Variants in TG observed in about 807,000 individuals in gnomAD.
TG encodes the protein thyroglobulin.
In TG, 270 loss-of-function variants were observed where a neutral mutation model predicts 324.7. The observed-to-expected ratio is 0.83, with a 90% confidence interval of 0.75 to 0.92. TG has a LOEUF of 0.92. Ranked by LOEUF, TG falls within the 40% of genes least tolerant of loss-of-function variation. TG has a pLI of 0.00. For synonymous variants in TG, 1,401 were observed against 1,327.0 expected (o/e 1.06, Z -1.21); for missense variants, 3,591 against 3,456.4 (o/e 1.04, Z -0.98).
rs756212673 is a variant in TG at position 132,887,175 on chromosome 8, G to C, written c.1803G>C (p.Thr601=). 1.2e-6 allele frequency: 2 copies of C among 1,614,024 alleles called. No individual in the cohort carries two copies. The highest frequency in any genetic ancestry group is 1.7e-6 in the Non-Finnish European group (2 of 1,179,928). The change falls in exon 9 of 48, where the codon ACG becomes ACC. Residue 601 remains threonine, a synonymous_variant. Transcript: ENST00000220616. Reference sequence around the variant, plus strand: ...GAGATTTAGGTGATGTGATGGAAACGGTACTCAGCTCCCAGACCTGTGAGC... The same window carrying C: ...GAGATTTAGGTGATGTGATGGAAACCGTACTCAGCTCCCAGACCTGTGAGC... The part of the protein sequence containing the change: ...VARDLGDVME[T]VLSSQTCEQT...
intron 41 of TG, among the ~76,000 whole-genome samples, chr8:133,055,438 G>A (rs962928353): frequency 7.9e-5 from 12 of 151,480 alleles, no homozygotes; most frequent in Admixed American, 7.9e-4. Context: ...CAATCACACA[G>A]AGCTGGACCA....
At chr8:133,081,281 C>T (rs1845702486) in intron 41 of TG, among the ~76,000 whole-genome samples, 1 of 152,226 alleles carries the variant, frequency 6.6e-6, no homozygotes, top group African/African-American at 2.4e-5. Context: ...AAGATGTGAT[C>T]CGTAACTATC....
intron 40 of TG, among the ~76,000 whole-genome samples, chr8:133,023,811 G>A (rs1835773066): frequency 6.6e-6 from 1 of 152,178 alleles, no homozygotes; most frequent in African/African-American, 2.4e-5. Flanking sequence ...ATTTCACAGA[G>A]TGTAATCTTG....
intron 20 of TG, among the ~76,000 whole-genome samples, chr8:132,914,985 T>C (rs1820080706): frequency 6.6e-6 from 1 of 152,116 alleles, no homozygotes; most frequent in Admixed American, 6.5e-5. Context: ...TGTGTATGTG[T>C]ATTAGTGTAT....
intron 43 of TG, among the ~76,000 whole-genome samples, chr8:133,109,352 G>A (rs1175972297): frequency 6.6e-6 from 1 of 152,190 alleles, no homozygotes; most frequent in African/African-American, 2.4e-5. Flanking sequence ...GGATTAAAAA[G>A]CATGTGTCTA....
chr8:132,876,208 T>C (rs746690801), intron 5 of TG, among the ~76,000 whole-genome samples: 22 of 152,004 alleles, frequency 1.4e-4, no homozygotes, highest in African/African-American at 7.2e-5. Flanking sequence ...AGAGACGACG[T>C]TGACATGGAG....
At chr8:133,031,327 C>A (rs964980468) in intron 41 of TG, among the ~76,000 whole-genome samples, 1 of 152,162 alleles carries the variant, frequency 6.6e-6, no homozygotes, top group African/African-American at 2.4e-5. Flanking sequence ...CATAATATTC[C>A]TTTGCGCAGA....
chr8:132,927,585 T>C (rs765282321), intron 22 of TG, among the ~76,000 whole-genome samples: 11 of 152,210 alleles, frequency 7.2e-5, no homozygotes, highest in Non-Finnish European at 1.3e-4. Context: ...GGCAAATTGG[T>C]TCATGGATTG....
chr8:133,116,534 G>A, intron 44 of TG, 75 bp from the exon 45 acceptor site: 5 of 1,422,256 alleles, frequency 3.5e-6, no homozygotes, highest in Non-Finnish European at 5.0e-6. Context: ...CCCTTGCTGG[G>A]AGAAGCCCTT....
intron 35 of TG, among the ~76,000 whole-genome samples, chr8:133,006,129 G>A (rs990024372): frequency 6.6e-6 from 1 of 152,186 alleles, no homozygotes; most frequent in Non-Finnish European, 1.5e-5. Context: ...GTAACACAAA[G>A]ATCTTTAAAA....
chr8:132,933,778 G>A (rs1328407113), intron 24 of TG, 102 bp downstream of exon 24: 2 of 1,016,966 alleles, frequency 2.0e-6, no homozygotes, highest in African/African-American at 1.6e-5. Context: ...GAATGAGGTT[G>A]TCGAGAGCTG....
chr8:133,111,578 G>A lies in TG; in HGVS notation c.7573-1844G>A, dbSNP rs370227075. Among the ~76,000 whole-genome samples the A allele has an allele frequency of 1.3e-3, 194 of 152,278 alleles. 4 individuals are homozygous for A. In the East Asian group the frequency reaches 0.014, roughly 11 times the overall value. ...ATTGTAGGTGAGTATTTTTTGAACA[G>A]ACTAGACTAGACTAGGGTAGAATAG... On this transcript the variant is annotated intron_variant, in intron 43 of 47. Transcript: ENST00000220616.
Position 133,028,583 on chromosome 8 carries a change from T to C in TG, c.7037-1238T>C, listed in dbSNP as rs189024646. Among the ~76,000 whole-genome samples the C allele has an allele frequency of 3.3e-5, 5 of 152,298 alleles. 1 individual carries two copies. The highest frequency in any genetic ancestry group is 1.2e-4 in the African/African-American group (5 of 41,558). On this transcript the variant is annotated intron_variant, in intron 40 of 47. Coordinates refer to ENST00000220616, the MANE Select transcript of TG (RefSeq NM_003235.5). ...AGCACGGTTCTGTTCCCTTTACAAA[T>C]ATTAACTGATTTAGTCAACAACCTT...
In TG at chr8:133,095,093, A is replaced by G; in HGVS notation, c.7289A>G (p.Gln2430Arg). 6.2e-7 allele frequency: 1 copy of G among 1,614,230 alleles called. No homozygotes were observed. The highest frequency in any genetic ancestry group is 1.3e-5 in the African/African-American group (1 of 75,066). The change falls in exon 42 of 48, where the codon CAG (glutamine) becomes CGG (arginine). Residue 2430 changes from glutamine to arginine, a missense_variant. Coordinates refer to ENST00000220616, the MANE Select transcript of TG (RefSeq NM_003235.5). ...GCCGTCATCAGCCATGAGAGGGCTC[A>G]GCAGCAGGCAATTGCTTTGGCAAAG... is the stretch of plus-strand genomic sequence containing the variant. ...PAAVISHERA[Q>R]QQAIALAKEV...
intron 40 of TG, among the ~76,000 whole-genome samples, chr8:133,024,445 G>A (rs930543789): frequency 2.7e-5 from 4 of 149,354 alleles, no homozygotes; most frequent in Non-Finnish European, 5.9e-5. Context: ...AGAACATGCA[G>A]GTTTGTTCCA....
intron 33 of TG, 58 bp downstream of exon 33, chr8:132,971,931 A>G (rs1829578949): frequency 3.5e-6 from 4 of 1,155,126 alleles, no homozygotes; most frequent in South Asian, 2.4e-5. Flanking sequence ...TTTAGAAAAC[A>G]CATTCACATC....
chr8:133,127,791 G>GC (rs1279842913), intron 45 of TG, among the ~76,000 whole-genome samples: 2 of 152,080 alleles, frequency 1.3e-5, no homozygotes, highest in Non-Finnish European at 2.9e-5. Context: ...AGCTGCACCA[G>GC]CCCCCACCTG....
chr8:132,954,677 C>A (rs988649237), intron 27 of TG, among the ~76,000 whole-genome samples: 1 of 152,178 alleles, frequency 6.6e-6, no homozygotes, highest in Non-Finnish European at 1.5e-5. Flanking sequence ...CCTCAGAGCC[C>A]TGGGCATAGA....
intron 27 of TG, among the ~76,000 whole-genome samples, chr8:132,957,595 A>G (rs755398160): frequency 2.6e-5 from 4 of 152,148 alleles, no homozygotes; most frequent in Non-Finnish European, 5.9e-5. Flanking sequence ...CAAGTCAGAC[A>G]CTGAGACTGC....
Sources: allele counts gnomAD v4.1 joint callset (sites outside exome capture counted in the v4.1 genomes callset), GRCh38; gene constraint gnomAD v4.1.1; transcripts MANE v1.5; gene names NCBI Gene and HGNC (gene_info 2026-07-23, HGNC 2026-07-21).